The following CNTNAP2 variants were observed in gnomAD, a reference collection of about 807,000 sequenced individuals.
The protein encoded by CNTNAP2 is contactin-associated protein-like 2.
Under a neutral mutation model 155.2 loss-of-function variants are expected in CNTNAP2, and 98 were observed. The ratio of observed to expected loss-of-function variants is 0.63; its 90% CI spans 0.54 to 0.75. The LOEUF (loss-of-function observed/expected upper bound fraction) is 0.75. CNTNAP2 is among the 30% of genes least tolerant of loss of function. The probability of loss-of-function intolerance (pLI) is 0.00; values close to 1 mark genes in which losing one functional copy is unlikely to be tolerated. For missense variants in CNTNAP2, 1,727 were observed against 1,688.1 expected, an observed-to-expected ratio of 1.02 and a Z score of -0.40; for synonymous variants, 651 against 631.2, an observed-to-expected ratio of 1.03 and a Z score of -0.47.
intron 1 of CNTNAP2, among the ~76,000 whole-genome samples, chr7:146,269,592 G>A (rs1020771135): frequency 1.3e-5 from 2 of 152,274 alleles, no homozygotes; most frequent in South Asian, 2.1e-4. Context: ...ATAGTTAAAG[G>A]AAAATGTAGT....
intron 21 of CNTNAP2, among the ~76,000 whole-genome samples, chr7:148,288,370 A>T (rs558196188): frequency 9.2e-5 from 14 of 152,188 alleles, no homozygotes; most frequent in Non-Finnish European, 1.8e-4. Context: ...AAGTGCTGGG[A>T]TTAAAGGCAT....
chr7:147,141,834 T>C (rs1232507352), intron 8 of CNTNAP2, among the ~76,000 whole-genome samples: 1 of 152,126 alleles, frequency 6.6e-6, no homozygotes, highest in Non-Finnish European at 1.5e-5. Flanking sequence ...TAATCTCCCT[T>C]ATGTTTCTAA....
chr7:147,851,342 A>G (rs1798935573), intron 13 of CNTNAP2, among the ~76,000 whole-genome samples: 1 of 152,192 alleles, frequency 6.6e-6, no homozygotes, highest in African/African-American at 2.4e-5. Flanking sequence ...AACTAATTCA[A>G]CCATTGTGGA....
At chr7:147,078,145 C>T (rs781380956) in intron 4 of CNTNAP2, among the ~76,000 whole-genome samples, 1 of 152,262 alleles carries the variant, frequency 6.6e-6, no homozygotes, top group South Asian at 2.1e-4. Context: ...AAGAGAGGAT[C>T]GCAATACATA....
chr7:147,406,520 C>T (rs1797008156), intron 10 of CNTNAP2, among the ~76,000 whole-genome samples: 1 of 151,926 alleles, frequency 6.6e-6, no homozygotes, highest in Non-Finnish European at 1.5e-5. Context: ...ATCTATACTG[C>T]CCAAAAACTA....
intron 1 of CNTNAP2, among the ~76,000 whole-genome samples, chr7:146,727,991 AC>A (rs1309751341): frequency 1.3e-5 from 2 of 152,136 alleles, no homozygotes; most frequent in African/African-American, 4.8e-5. Context: ...GTTGTTGCTC[AC>A]TAAGTAGAGA....
intron 1 of CNTNAP2, among the ~76,000 whole-genome samples, chr7:146,703,291 A>T (rs1231900725): frequency 6.6e-6 from 1 of 152,116 alleles, no homozygotes; most frequent in African/African-American, 2.4e-5. Flanking sequence ...AGGGGTCTCT[A>T]TGAGGGTTGG....
chr7:146,666,332 T>C (rs568648641), intron 1 of CNTNAP2, among the ~76,000 whole-genome samples: 1 of 152,322 alleles, frequency 6.6e-6, no homozygotes, highest in South Asian at 2.1e-4. Context: ...AGAATTTCAC[T>C]GTTTGTTTAT....
chr7:147,862,536 C>T (rs1799153884), intron 13 of CNTNAP2, among the ~76,000 whole-genome samples: 1 of 151,966 alleles, frequency 6.6e-6, no homozygotes, highest in Admixed American at 6.6e-5. Flanking sequence ...GGAGAACTTC[C>T]TAGGGTTGAG....
intron 1 of CNTNAP2, among the ~76,000 whole-genome samples, chr7:146,209,450 T>G (rs955739980): frequency 6.6e-6 from 1 of 152,190 alleles, no homozygotes; most frequent in African/African-American, 2.4e-5. Context: ...TCCTAAAGTG[T>G]CAAGGCCAGT....
chr7:146,173,594 A>G (rs1798426167), intron 1 of CNTNAP2, among the ~76,000 whole-genome samples: 1 of 152,200 alleles, frequency 6.6e-6, no homozygotes, highest in African/African-American at 2.4e-5. Context: ...TGACAAATTT[A>G]ATTGCCCCTT....
chr7:146,245,402 A>G (rs1214227697), intron 1 of CNTNAP2, among the ~76,000 whole-genome samples: 2 of 152,188 alleles, frequency 1.3e-5, no homozygotes, highest in Non-Finnish European at 2.9e-5. Flanking sequence ...TGAGAAATGT[A>G]GAGAGTAAGT....
intron 14 of CNTNAP2, among the ~76,000 whole-genome samples, chr7:147,919,648 T>C (rs1259584920): frequency 1.3e-5 from 2 of 151,436 alleles, no homozygotes; most frequent in Non-Finnish European, 1.5e-5. Context: ...TTAGTAGAGA[T>C]GGGGTTTCAC....
chr7:147,587,869 A>T (rs749245105), intron 12 of CNTNAP2, among the ~76,000 whole-genome samples: 3 of 152,106 alleles, frequency 2.0e-5, no homozygotes, highest in Non-Finnish European at 2.9e-5. Flanking sequence ...AGAAAATTGC[A>T]TTATTTAAAA....
intron 1 of CNTNAP2, among the ~76,000 whole-genome samples, chr7:146,251,245 A>C (rs1049843190): frequency 6.6e-6 from 1 of 152,152 alleles, no homozygotes; most frequent in African/African-American, 2.4e-5. Flanking sequence ...TTGAAACTTT[A>C]GCTTTTAAAA....
intron 21 of CNTNAP2, among the ~76,000 whole-genome samples, chr7:148,305,791 C>T (rs1367716543): frequency 6.6e-6 from 1 of 152,180 alleles, no homozygotes; most frequent in South Asian, 2.1e-4. Flanking sequence ...CCAGGACCCT[C>T]CCCTGACACA....
At chr7:146,232,840 C>T (rs888669424) in intron 1 of CNTNAP2, among the ~76,000 whole-genome samples, 31 of 151,854 alleles carry the variant, frequency 2.0e-4, no homozygotes, top group African/African-American at 6.0e-4. Flanking sequence ...TGACATTTGA[C>T]GTTGACAAAA....
intron 12 of CNTNAP2, among the ~76,000 whole-genome samples, chr7:147,618,009 A>C (rs1045138077): frequency 2.0e-5 from 3 of 152,182 alleles, no homozygotes; most frequent in African/African-American, 7.2e-5. Context: ...GTTAGTGTTC[A>C]AGTGCTGATT....
At chr7:147,093,825 A>G (rs1351607648) in intron 4 of CNTNAP2, among the ~76,000 whole-genome samples, 1 of 152,218 alleles carries the variant, frequency 6.6e-6, no homozygotes, top group African/African-American at 2.4e-5. Flanking sequence ...GAACTTGTGA[A>G]ATCAAACAAG....
Sources: gnomAD v4.1 joint callset for allele counts (sites outside exome capture counted in the v4.1 genomes callset) on GRCh38, gnomAD v4.1.1 for gene constraint, MANE v1.5 for transcripts, NCBI Gene and HGNC (gene_info 2026-07-23, HGNC 2026-07-21) for gene names.